Variants in FBXW2 observed in about 807,000 individuals in gnomAD.
FBXW2 encodes the protein F-box and WD repeat domain containing 2.
Under a neutral mutation model 46.0 loss-of-function variants are expected in FBXW2, and 12 were observed. That is an observed-to-expected ratio of 0.26 (90% CI 0.17 to 0.42). The LOEUF (loss-of-function observed/expected upper bound fraction) is 0.42, where lower values mean the gene tolerates loss of function less well. Among genes scored for constraint, FBXW2 ranks in the 10% least tolerant of loss-of-function variants. The pLI, the probability that FBXW2 is intolerant of heterozygous loss-of-function variation, is 1.00. For synonymous variants in FBXW2, 203 were observed against 209.6 expected, an observed-to-expected ratio of 0.97 and a Z score of 0.27; for missense variants, 360 against 537.0, an observed-to-expected ratio of 0.67 and a Z score of 3.26.
chr9:120,786,515 C>T (rs1212773613), intron 3 of FBXW2, among the ~76,000 whole-genome samples: 2 of 152,146 alleles, frequency 1.3e-5, no homozygotes, highest in South Asian at 2.1e-4. Context: ...ATAAATTACC[C>T]GGTCTTAGGC....
chr9:120,781,453 G>T (rs1233176473), intron 3 of FBXW2, among the ~76,000 whole-genome samples: 2 of 152,210 alleles, frequency 1.3e-5, no homozygotes, highest in East Asian at 3.9e-4. Context: ...GGCAAGGTTT[G>T]GCTGCAGAAC....
Position 120,775,761 on chromosome 9 carries a change from C to A in FBXW2, c.819+332G>T, listed in dbSNP as rs112476298. 3.1e-3 allele frequency among the ~76,000 whole-genome samples: 477 copies of A among 152,248 alleles called. 2 individuals are homozygous for A. Among genetic ancestry groups the A allele is most frequent in the Admixed American group, 6.5e-3 (100 of 15,288 alleles). On this transcript the variant is annotated intron_variant, in intron 5 of 7. Coordinates refer to ENST00000608872, the MANE Select transcript of FBXW2 (RefSeq NM_012164.4). The stretch of plus-strand genomic sequence containing the variant: ...GGGAAAAACACGCCCACAATCCCAC[C>A]AGAAATACCCACCTTCAACATTTTG...
intron 4 of FBXW2, 121 bp from the exon 5 acceptor site, chr9:120,776,347 T>A (rs962678080): frequency 9.8e-6 from 11 of 1,127,496 alleles, no homozygotes; most frequent in Non-Finnish European, 1.4e-5. Flanking sequence ...ACCGTAAGAA[T>A]GATGCTATTC....
At position 120,757,765 on chromosome 9, in the gene FBXW2, A is replaced by G. The variant is rs1459255140; in HGVS notation, c.*6794T>C. The G allele has an allele frequency of 6.6e-6, 1 of 152,196 alleles. No homozygotes were observed. The highest frequency in any genetic ancestry group is 1.5e-5 in the Non-Finnish European group (1 of 68,028). 9.4% of individuals were successfully genotyped at this position (152,196 alleles called of 1,614,324 possible). A position where few individuals can be genotyped will look rare whatever the true frequency, so the allele number is the denominator to read the frequency against. On this transcript the variant is annotated 3_prime_UTR_variant, in exon 8 of 8. Transcript: ENST00000608872. ...TGGTTAAAATGCAAAGGACAGGAAC[A>G]TCCCACTGGCAGGGACTACTCATGT...
In FBXW2 at chr9:120,787,668, A is replaced by T. The variant is rs762618462; in HGVS notation, c.490+101T>A. On this transcript the variant is annotated intron_variant, in intron 3 of 7. Coordinates refer to ENST00000608872, the MANE Select transcript of FBXW2 (RefSeq NM_012164.4). ...GAAAAAAAGTCACTGTACATATCTCATATAATCAACACTTGTCATTCTCAA... is the reference window on the plus strand; with the variant it reads ...GAAAAAAAGTCACTGTACATATCTCTTATAATCAACACTTGTCATTCTCAA... 5.4e-5 allele frequency: 71 copies of T among 1,303,404 alleles called. No homozygotes were observed. In the African/African-American group the frequency reaches 1.0e-3, roughly 18 times the overall value. The allele number at this position is 1,303,404 out of a possible 1,614,324, so 80.7% of individuals were successfully genotyped here.
chr9:120,774,240 A>G (rs1294595775), intron 5 of FBXW2, among the ~76,000 whole-genome samples: 1 of 151,810 alleles, frequency 6.6e-6, no homozygotes, highest in Non-Finnish European at 1.5e-5. Context: ...TGGAGGCTGA[A>G]GCAGGAGAAT....
At chr9:120,768,129 G>A (rs1163317370) in intron 7 of FBXW2, among the ~76,000 whole-genome samples, 1 of 152,154 alleles carries the variant, frequency 6.6e-6, no homozygotes, top group African/African-American at 2.4e-5. Context: ...TTTAACCTCA[G>A]GGCCTTCGAA....
At chr9:120,780,139 GAA>G (rs1158936856) in intron 3 of FBXW2, among the ~76,000 whole-genome samples, 7 of 94,766 alleles carry the variant, frequency 7.4e-5, no homozygotes, top group Admixed American at 2.2e-4. Flanking sequence ...CCACCTCAAA[GAA>G]AAAAAAAAAA....
At chr9:120,791,184 C>T (rs1448108181) in intron 2 of FBXW2, among the ~76,000 whole-genome samples, 2 of 152,170 alleles carry the variant, frequency 1.3e-5, no homozygotes, top group African/African-American at 4.8e-5. Flanking sequence ...TTTAGGCAGC[C>T]TCTAGAAATA....
At chr9:120,790,832 A>G (rs2044823675) in intron 2 of FBXW2, among the ~76,000 whole-genome samples, 1 of 152,220 alleles carries the variant, frequency 6.6e-6, no homozygotes, top group Non-Finnish European at 1.5e-5. Flanking sequence ...TAAAAAAAAA[A>G]TGCCAAATTA....
At chr9:120,787,715 T>C (rs1207252161) in intron 3 of FBXW2, 54 bp downstream of exon 3, 2 of 1,535,286 alleles carry the variant, frequency 1.3e-6, no homozygotes, top group Non-Finnish European at 1.8e-6. Flanking sequence ...GGTTCAAGAT[T>C]ACACCCTATG....
At chr9:120,788,900 G>A (rs1480727428) in intron 2 of FBXW2, among the ~76,000 whole-genome samples, 1 of 152,040 alleles carries the variant, frequency 6.6e-6, no homozygotes, top group Non-Finnish European at 1.5e-5. Context: ...CAGGAATTCT[G>A]GTTCTTCCAA....
chr9:120,793,401 G>T lies in FBXW2; in HGVS notation c.-177C>A. The T allele has an allele frequency of 2.5e-6, 1 of 399,496 alleles. No homozygotes were observed. The highest frequency in any genetic ancestry group is 4.4e-6 in the Non-Finnish European group (1 of 226,802). 24.7% of individuals were successfully genotyped at this position (399,496 alleles called of 1,614,324 possible). On this transcript the variant is annotated 5_prime_UTR_variant, in exon 1 of 8. Coordinates refer to ENST00000608872, the MANE Select transcript of FBXW2 (RefSeq NM_012164.4). ...CGGTCCGCAGCCTCACAGGGGAGCG[G>T]CTTCCGGTGCTGCCTGCGTCATCTC... is the stretch of plus-strand genomic sequence containing the variant.
At chr9:120,791,987 C>T (rs936010562) in intron 2 of FBXW2, among the ~76,000 whole-genome samples, 1 of 152,186 alleles carries the variant, frequency 6.6e-6, no homozygotes, top group Admixed American at 6.5e-5. Flanking sequence ...GTTACCTAGG[C>T]AACTCACATA....
intron 6 of FBXW2, 115 bp from the exon 7 acceptor site, chr9:120,771,632 C>A: frequency 1.2e-6 from 1 of 861,408 alleles, no homozygotes; most frequent in Non-Finnish European, 1.7e-6. Flanking sequence ...ACTGGAAAGA[C>A]CCCAGGTTTT....
intron 5 of FBXW2, among the ~76,000 whole-genome samples, chr9:120,775,113 A>G (rs1164021775): frequency 6.6e-6 from 1 of 150,954 alleles, no homozygotes; most frequent in Non-Finnish European, 1.5e-5. Flanking sequence ...GGTGGAGTGC[A>G]GTGGCACGAT....
intron 4 of FBXW2, among the ~76,000 whole-genome samples, chr9:120,777,714 GC>G (rs1280172795): frequency 1.4e-5 from 1 of 70,894 alleles, no homozygotes; most frequent in Non-Finnish European, 2.9e-5. Flanking sequence ...CCCCACCCCC[GC>G]CCCCGCCAAA....
rs183806736 is a variant in FBXW2, at chr9:120,763,958, T to C, written c.*601A>G. On this transcript the variant is annotated 3_prime_UTR_variant, in exon 8 of 8. Transcript: ENST00000608872. ...GGCCAACCTTGACTCTGCCAAGATA[T>C]AAGGTTTAGAATGAGTTGCTAACAT... is the stretch of plus-strand genomic sequence containing the variant. 506 of 154,658 alleles carry C rather than the reference T, an allele frequency of 3.3e-3. 4 individuals are homozygous for C. The highest frequency in any genetic ancestry group is 5.9e-3 in the Non-Finnish European group (408 of 69,696). 9.6% of individuals were successfully genotyped at this position (154,658 alleles called of 1,614,324 possible). A position where few individuals can be genotyped will look rare whatever the true frequency, so the allele number is the denominator to read the frequency against.
intron 7 of FBXW2, among the ~76,000 whole-genome samples, chr9:120,766,043 C>T (rs2044270054): frequency 6.6e-6 from 1 of 152,120 alleles, no homozygotes. Context: ...AGCTACCAGA[C>T]AAGCAGTAGA....
Sources: allele counts gnomAD v4.1 joint callset (sites outside exome capture counted in the v4.1 genomes callset), GRCh38; gene constraint gnomAD v4.1.1; transcripts MANE v1.5; gene names NCBI Gene and HGNC (gene_info 2026-07-23, HGNC 2026-07-21).